AK9: variants seen among roughly 807,000 people sequenced by gnomAD.
The protein encoded by AK9 is adenylate kinase 9.
Under a neutral mutation model 239.6 loss-of-function variants are expected in AK9, and 191 were observed. The ratio of observed to expected loss-of-function variants is 0.80; its 90% CI spans 0.71 to 0.90. AK9 has a LOEUF of 0.90. Among genes scored for constraint, AK9 ranks in the 40% least tolerant of loss-of-function variants. AK9 has a pLI of 0.00. For missense variants in AK9, 1,995 were observed against 2,214.7 expected, an observed-to-expected ratio of 0.90 and a Z score of 1.99; for synonymous variants, 689 against 721.0, an observed-to-expected ratio of 0.96 and a Z score of 0.71.
Position 109,563,688 on chromosome 6 carries a change from T to A in AK9, c.2660A>T (p.Glu887Val), listed in dbSNP as rs553237256. The A allele has an allele frequency of 2.5e-4, 389 of 1,549,806 alleles. 7 individuals carry two copies. In the South Asian group the frequency reaches 4.5e-3, roughly 18 times the overall value. ...MEKPFQYTAW[E>V]LTGEDYEEET... ...TTCCTCATAATCTTCCCCAGTTAAC[T>A]CCCATGCAGTATATTGAAATGGTTC... The change falls in exon 24 of 41, where the codon GAG (glutamate) becomes GTG (valine). Residue 887 changes from glutamate to valine, a missense_variant. Transcript: ENST00000424296.
At chr6:109,498,501 T>C (rs1459683346) in intron 36 of AK9, among the ~76,000 whole-genome samples, 2 of 152,232 alleles carry the variant, frequency 1.3e-5, no homozygotes, top group African/African-American at 4.8e-5. Context: ...GAGGCATCTG[T>C]TTTTTCTTGT....
rs1786927566 is a variant in AK9 at position 109,568,589 on chromosome 6, T to C, written c.2345-3744A>G. Among the ~76,000 whole-genome samples the C allele has an allele frequency of 2.0e-5, 3 of 152,204 alleles. No individual in the cohort carries two copies. In the South Asian group the frequency reaches 6.2e-4, roughly 31 times the overall value. The stretch of plus-strand genomic sequence containing the variant: ...AAACAACTTCAGCAAAGTCTCAGGA[T>C]ACAAAATCAATGTGCAAAAATCACA... On this transcript the variant is annotated intron_variant, in intron 21 of 40. Transcript: ENST00000424296.
intron 24 of AK9, among the ~76,000 whole-genome samples, chr6:109,552,359 C>T (rs1454190428): frequency 4.6e-5 from 7 of 152,184 alleles, no homozygotes; most frequent in Admixed American, 2.0e-4. Flanking sequence ...ACAGCCTCAC[C>T]AGCATCTGTC....
chr6:109,655,158 T>C (rs1355164514), intron 8 of AK9, among the ~76,000 whole-genome samples: 3 of 152,230 alleles, frequency 2.0e-5, no homozygotes, highest in Admixed American at 6.5e-5. Flanking sequence ...AGGATGGCCA[T>C]ACAAATTCAT....
intron 28 of AK9, among the ~76,000 whole-genome samples, chr6:109,531,810 C>T (rs1562362251): frequency 1.3e-5 from 2 of 152,192 alleles, no homozygotes; most frequent in Non-Finnish European, 2.9e-5. Context: ...TGAACGTCAT[C>T]AAGAACAGTG....
At chr6:109,677,114 AG>A (rs1308800054) in intron 1 of AK9, among the ~76,000 whole-genome samples, 1 of 152,000 alleles carries the variant, frequency 6.6e-6, no homozygotes, top group Non-Finnish European at 1.5e-5. Flanking sequence ...GATGAGGAAG[AG>A]GATACAAAAA....
intron 21 of AK9, among the ~76,000 whole-genome samples, chr6:109,566,419 T>C (rs1786526119): frequency 6.6e-6 from 1 of 152,136 alleles, no homozygotes; most frequent in Admixed American, 6.6e-5. Flanking sequence ...AAATTTTACT[T>C]CTGAAGACAA....
At chr6:109,595,485 G>A (rs1171200122) in intron 17 of AK9, among the ~76,000 whole-genome samples, 3 of 152,064 alleles carry the variant, frequency 2.0e-5, no homozygotes, top group Non-Finnish European at 2.9e-5. Flanking sequence ...ATTTGACCCA[G>A]CAATCCCATT....
At chr6:109,584,828 A>C (rs895355539) in intron 19 of AK9, among the ~76,000 whole-genome samples, 10 of 152,136 alleles carry the variant, frequency 6.6e-5, no homozygotes, top group Non-Finnish European at 1.5e-4. Context: ...GTCACAGATA[A>C]ATATAACAAT....
intron 1 of AK9, among the ~76,000 whole-genome samples, chr6:109,684,112 G>T (rs564823819): frequency 6.6e-6 from 1 of 152,262 alleles, no homozygotes; most frequent in East Asian, 1.9e-4. Context: ...ACAACCATCT[G>T]ATCTTTGACA....
chr6:109,601,244 T>G (rs1218433058), intron 17 of AK9, among the ~76,000 whole-genome samples: 1 of 152,208 alleles, frequency 6.6e-6, no homozygotes, highest in Non-Finnish European at 1.5e-5. Flanking sequence ...ACACACTGCT[T>G]TAAATGTATC....
At chr6:109,573,333 C>T in intron 21 of AK9, 109 bp downstream of exon 21, 1 of 1,209,808 alleles carries the variant, frequency 8.3e-7, no homozygotes. Flanking sequence ...GCTCATCTCT[C>T]CATTCTCAGC....
chr6:109,517,639 C>T (rs1348822411), intron 29 of AK9, among the ~76,000 whole-genome samples: 5 of 152,074 alleles, frequency 3.3e-5, no homozygotes, highest in Admixed American at 6.5e-5. Context: ...TGAACGTTAC[C>T]TATTATTATG....
chr6:109,533,550 A>G, intron 27 of AK9, 80 bp from the exon 28 acceptor site: 1 of 1,185,150 alleles, frequency 8.4e-7, no homozygotes, highest in East Asian at 2.5e-5. Context: ...TGTAATGATC[A>G]TTATACAAGG....
chr6:109,528,937 T>C (rs917430941), intron 29 of AK9, 74 bp downstream of exon 29: 1 of 1,573,316 alleles, frequency 6.4e-7, no homozygotes, highest in Non-Finnish European at 8.6e-7. Flanking sequence ...CAGTGAGCTA[T>C]GATTGTGCCA....
chr6:109,592,074 A>G (rs1422724626), intron 17 of AK9, among the ~76,000 whole-genome samples: 1 of 150,224 alleles, frequency 6.7e-6, no homozygotes, highest in South Asian at 2.1e-4. Flanking sequence ...ATCTTTTGCC[A>G]AAAACTGTTT....
At chr6:109,518,775 C>G (rs966946360) in intron 29 of AK9, among the ~76,000 whole-genome samples, 20 of 151,832 alleles carry the variant, frequency 1.3e-4, no homozygotes, top group Non-Finnish European at 2.4e-4. Context: ...CTTTCCATAT[C>G]AGAACATACA....
At chr6:109,560,103 G>T (rs1028935829) in intron 24 of AK9, among the ~76,000 whole-genome samples, 1 of 152,146 alleles carries the variant, frequency 6.6e-6, no homozygotes, top group African/African-American at 2.4e-5. Context: ...AGTCATATCT[G>T]CAAAATCCTT....
chr6:109,577,530 A>G (rs757066687), intron 20 of AK9, among the ~76,000 whole-genome samples: 10 of 151,744 alleles, frequency 6.6e-5, no homozygotes, highest in Non-Finnish European at 1.3e-4. Context: ...CTCTCTCTCT[A>G]TCTTTTGGAA....
Sources: gnomAD v4.1 joint callset for allele counts (sites outside exome capture counted in the v4.1 genomes callset) on GRCh38, gnomAD v4.1.1 for gene constraint, MANE v1.5 for transcripts, NCBI Gene and HGNC (gene_info 2026-07-23, HGNC 2026-07-21) for gene names.